OCA2: variants seen among roughly 807,000 people sequenced by gnomAD.
OCA2 encodes P protein.
OCA2 carries 77 observed loss-of-function variants against 100.2 expected under a neutral mutation model. The observed-to-expected ratio is 0.77, with a 90% CI of 0.64 to 0.93. The LOEUF (loss-of-function observed/expected upper bound fraction) is 0.93. OCA2 is among the 40% of genes least tolerant of loss of function. The pLI, the probability that OCA2 is intolerant of heterozygous loss-of-function variation, is 0.00. For missense variants in OCA2, 1,062 were observed against 1,089.1 expected, an observed-to-expected ratio of 0.98 and a Z score of 0.35; for synonymous variants, 432 against 439.2, an observed-to-expected ratio of 0.98 and a Z score of 0.21.
chr15:27,906,838 C>G (rs1393307838), intron 19 of OCA2, among the ~76,000 whole-genome samples: 1 of 152,152 alleles, frequency 6.6e-6, no homozygotes, highest in East Asian at 1.9e-4. Context: ...GAGGCAGACA[C>G]CAACATCCAC....
intron 18 of OCA2, among the ~76,000 whole-genome samples, chr15:27,941,003 G>A (rs894185517): frequency 6.6e-6 from 1 of 152,156 alleles, no homozygotes; most frequent in African/African-American, 2.4e-5. Flanking sequence ...CATTGTGACT[G>A]CAAAGTTAGG....
At chr15:27,827,284 C>T (rs1241539991) in intron 23 of OCA2, among the ~76,000 whole-genome samples, 1 of 152,134 alleles carries the variant, frequency 6.6e-6, no homozygotes, top group African/African-American at 2.4e-5. Flanking sequence ...GGGAAATCAA[C>T]ATCTGATTTA....
At position 28,014,886 on chromosome 15, in the gene OCA2, G is replaced by A; in HGVS notation, c.934C>T (p.Gln312Ter). The A allele has an allele frequency of 6.2e-7, 1 of 1,614,174 alleles. No individual in the cohort carries two copies. The highest frequency in any genetic ancestry group is 2.2e-5 in the East Asian group (1 of 44,874). ...ISIRASLQQT[Q>*]AVPLLMAHQY... ...TGAGCCATCAAAAGAGGGACAGCCT[G>A]GGTCTGCTGCAGGGAGGCCCGGATG... Residue 312 changes from glutamine (Q) to a stop codon, truncating the protein, a stop_gained, in exon 9 of 24, where the codon CAG (glutamine) becomes TAG (stop). Transcript: ENST00000354638. LOFTEE classifies it high-confidence loss of function.
Position 27,790,938 on chromosome 15 carries a change from G to A in OCA2, c.2433-35466C>T, listed in dbSNP as rs147634048. Among the ~76,000 whole-genome samples the A allele has an allele frequency of 4.1e-3, 624 of 152,102 alleles. 6 individuals are homozygous for A. The highest frequency in any genetic ancestry group is 0.015 in the African/African-American group (603 of 41,472). ...TGCATAGCTGGGACTACAGGTGTGT[G>A]CCACCATGCCCAGCTAAGTTTTTCA... On this transcript the variant is annotated intron_variant, in intron 23 of 23. Coordinates refer to ENST00000354638, the MANE Select transcript of OCA2 (RefSeq NM_000275.3).
chr15:27,827,900 T>A (rs1007517717), intron 23 of OCA2, among the ~76,000 whole-genome samples: 1 of 152,210 alleles, frequency 6.6e-6, no homozygotes, highest in African/African-American at 2.4e-5. Context: ...TCTCTTTATA[T>A]ATAGAAACGA....
the OCA2 span, among the ~76,000 whole-genome samples, chr15:27,743,879 C>T: frequency 6.6e-6 from 1 of 152,308 alleles, no homozygotes; most frequent in South Asian, 2.1e-4. Flanking sequence ...AGGTCCTGAG[C>T]ACCTGCCTTT....
At chr15:27,899,200 G>C (rs763463015) in intron 19 of OCA2, among the ~76,000 whole-genome samples, 2 of 152,162 alleles carry the variant, frequency 1.3e-5, no homozygotes, top group African/African-American at 4.8e-5. Flanking sequence ...TTCTTCTGAA[G>C]CTTCCAGAAG....
At chr15:27,901,647 A>T (rs11854269) in intron 19 of OCA2, among the ~76,000 whole-genome samples, 44,344 of 152,174 alleles carry the variant, frequency 0.29, 6,951 homozygotes, top group East Asian at 0.57. Flanking sequence ...GATGTTCCTT[A>T]CATGACTGTT....
At chr15:27,960,451 C>T (rs1353239679) in intron 15 of OCA2, among the ~76,000 whole-genome samples, 1 of 152,208 alleles carries the variant, frequency 6.6e-6, no homozygotes, top group Non-Finnish European at 1.5e-5. Context: ...CTTGCCTTGT[C>T]TGCTTCTTCC....
At chr15:27,728,494 C>T in the OCA2 span, among the ~76,000 whole-genome samples, 1 of 151,862 alleles carries the variant, frequency 6.6e-6, no homozygotes, top group South Asian at 2.1e-4. Flanking sequence ...TTCATTTTTG[C>T]TCTTTCCATC....
rs574690817 is a variant in OCA2 at position 27,885,073 on chromosome 15, A to G, written c.2080-13151T>C. Among the ~76,000 whole-genome samples the G allele has an allele frequency of 3.9e-5, 6 of 152,346 alleles. No homozygotes were observed. The South Asian group carries it at 1.2e-3, about 32-fold the overall frequency. Reference sequence around the variant, plus strand: ...ATCTTAACATTTCTCAAGACAGTTAAGAATATAAAAGCTACATGACTTATG... The same window carrying G: ...ATCTTAACATTTCTCAAGACAGTTAGGAATATAAAAGCTACATGACTTATG... On this transcript the variant is annotated intron_variant, in intron 19 of 23. Transcript: ENST00000354638.
intron 23 of OCA2, among the ~76,000 whole-genome samples, chr15:27,805,172 C>T (rs2033779882): frequency 6.6e-6 from 1 of 152,214 alleles, no homozygotes; most frequent in African/African-American, 2.4e-5. Flanking sequence ...CCGCGCAGAG[C>T]GCCCAGCGCA....
At chr15:27,805,369 G>A (rs2033792396) in intron 23 of OCA2, among the ~76,000 whole-genome samples, 1 of 152,270 alleles carries the variant, frequency 6.6e-6, no homozygotes, top group African/African-American at 2.4e-5. Flanking sequence ...GGGCTGGGCT[G>A]CGAGGCAGCG....
chr15:27,831,889 G>T (rs564312087), intron 23 of OCA2, among the ~76,000 whole-genome samples: 1 of 152,258 alleles, frequency 6.6e-6, no homozygotes, highest in South Asian at 2.1e-4. Context: ...CCAGCAGGGT[G>T]TCTGCATCCT....
chr15:27,790,395 T>C (rs2033025045), intron 23 of OCA2, among the ~76,000 whole-genome samples: 1 of 152,192 alleles, frequency 6.6e-6, no homozygotes. Flanking sequence ...AATGAAAACA[T>C]ACATCCACAC....
chr15:27,911,743 AC>A (rs1408740284), intron 19 of OCA2, among the ~76,000 whole-genome samples: 1 of 152,246 alleles, frequency 6.6e-6, no homozygotes, highest in East Asian at 1.9e-4. Flanking sequence ...ATGAGGCCCC[AC>A]CTTCAACACT....
chr15:27,801,438 G>C lies in OCA2; in HGVS notation c.2432+43521C>G, dbSNP rs549030274. Among the ~76,000 whole-genome samples, 22 of 150,690 alleles carry C rather than the reference G, an allele frequency of 1.5e-4. No individual in the cohort carries two copies. In the South Asian group the frequency reaches 4.6e-3, roughly 32 times the overall value. On this transcript the variant is annotated intron_variant, in intron 23 of 23. Coordinates refer to ENST00000354638, the MANE Select transcript of OCA2 (RefSeq NM_000275.3). ...GTGGCGGCACACGCCTATAGTCCCA[G>C]CTACTTGGGAGGCTGAGGCAGGAGA...
rs776088912 is a variant in OCA2, at chr15:28,027,861, G to C, written c.515+10C>G. ...GCTGCTGCCAGGGTGGGCACCCCAA[G>C]TCCGCCTACCTCAGCTTGGAAAGAC... On this transcript the variant is annotated intron_variant, in intron 4 of 23. Coordinates refer to ENST00000354638, the MANE Select transcript of OCA2 (RefSeq NM_000275.3). 2.6e-5 allele frequency: 42 copies of C among 1,611,940 alleles called. No individual in the cohort carries two copies. In the African/African-American group the frequency reaches 4.0e-4, roughly 15 times the overall value.
the OCA2 span, among the ~76,000 whole-genome samples, chr15:27,725,907 T>A: frequency 6.6e-6 from 1 of 152,122 alleles, no homozygotes; most frequent in East Asian, 1.9e-4. Flanking sequence ...AATGCACACA[T>A]TGGCAGAAGC....
Sources: allele counts gnomAD v4.1 joint callset (sites outside exome capture counted in the v4.1 genomes callset), GRCh38; gene constraint gnomAD v4.1.1; transcripts MANE v1.5; gene names NCBI Gene and HGNC (gene_info 2026-07-23, HGNC 2026-07-21).